Variants in RSAD2 observed in about 807,000 individuals in gnomAD.
RSAD2 encodes radical S-adenosyl methionine domain containing 2.
A neutral mutation model predicts 37.7 loss-of-function variants in RSAD2; 38 were observed. The ratio of observed to expected loss-of-function variants is 1.01; its 90% CI spans 0.78 to 1.32. The LOEUF (loss-of-function observed/expected upper bound fraction) is 1.32. Ranked by LOEUF, RSAD2 falls within the 40% of genes most tolerant of loss-of-function variation. The pLI is 0.00. For missense variants in RSAD2, 428 were observed against 437.5 expected (o/e 0.98, Z 0.19); for synonymous variants, 163 against 157.4 (o/e 1.04, Z -0.27).
rs1417137413 is a variant in RSAD2, at chr2:6,897,541, A to C, written c.*1599A>C. On this transcript the variant is annotated 3_prime_UTR_variant, in exon 6 of 6. Transcript: ENST00000382040. The stretch of plus-strand genomic sequence containing the variant: ...ATGTGTGTGTCTCATCCAGGATAGG[A>C]TAGGTTGTCTTCTATTTTCCATTTT... The C allele has an allele frequency of 1.3e-5, 2 of 152,178 alleles. No individual in the cohort carries two copies. Among genetic ancestry groups the C allele is most frequent in the Non-Finnish European group, 2.9e-5 (2 of 68,024 alleles). The allele number at this position is 152,178 out of a possible 1,614,324, so 9.4% of individuals were successfully genotyped here.
intron 1 of RSAD2, among the ~76,000 whole-genome samples, chr2:6,881,988 G>T (rs369034874): frequency 6.6e-6 from 1 of 152,342 alleles, no homozygotes; most frequent in African/African-American, 2.4e-5. Context: ...AGGCAGGCAG[G>T]TATGTAACAC....
chr2:6,893,337 G>A (rs981586867), intron 4 of RSAD2, among the ~76,000 whole-genome samples: 1 of 152,188 alleles, frequency 6.6e-6, no homozygotes, highest in Non-Finnish European at 1.5e-5. Flanking sequence ...ACAGTCATCA[G>A]AAATATCATG....
At chr2:6,879,083 C>T (rs1222627613) in intron 1 of RSAD2, 1 of 455,998 alleles carries the variant, frequency 2.2e-6, no homozygotes, top group Admixed American at 2.3e-5. Flanking sequence ...TTCATTTTGC[C>T]TGATCCTGTA....
Position 6,890,319 on chromosome 2 carries a change from CCAGAAGGTTGTATAAA to C in RSAD2, c.883_888+10del, listed in dbSNP as rs749181972. 2 of 1,613,872 alleles carry C rather than the reference CCAGAAGGTTGTATAAA, an allele frequency of 1.2e-6. No homozygotes were observed. Among genetic ancestry groups the C allele is most frequent in the Non-Finnish European group, 1.7e-6 (2 of 1,179,852 alleles). On this transcript the variant is annotated splice_donor_variant and splice_donor_5th_base_variant and coding_sequence_variant and intron_variant, in exon 4 of 6. Coordinates refer to ENST00000382040, the MANE Select transcript of RSAD2 (RefSeq NM_080657.5). LOFTEE classifies it high-confidence loss of function. ...TGTCCTGCTTGGTGCCTGAATCTAACCAGAAGGTTGTATAAAGCAAAAGTTGTTTTCTTTGTCATCA... is the reference window on the plus strand; with the variant it reads ...TGTCCTGCTTGGTGCCTGAATCTAACGCAAAAGTTGTTTTCTTTGTCATCA...
At chr2:6,895,534 C>T (rs907548310) in intron 5 of RSAD2, among the ~76,000 whole-genome samples, 1 of 152,216 alleles carries the variant, frequency 6.6e-6, no homozygotes, top group Non-Finnish European at 1.5e-5. Context: ...CCATGCGGGG[C>T]GCATATCATT....
At chr2:6,870,943 T>C (rs1449936402) in intron 1 of RSAD2, among the ~76,000 whole-genome samples, 1 of 152,176 alleles carries the variant, frequency 6.6e-6, no homozygotes. Context: ...ATTGGCTAAG[T>C]CTCTGGACAA....
At chr2:6,889,219 C>T (rs1558337443) in intron 3 of RSAD2, among the ~76,000 whole-genome samples, 1 of 152,166 alleles carries the variant, frequency 6.6e-6, no homozygotes, top group Middle Eastern at 3.2e-3. Flanking sequence ...CCTGCCAGGC[C>T]TCTCCTTACC....
Position 6,883,608 on chromosome 2 carries a change from T to C in RSAD2, c.508+76T>C, listed in dbSNP as rs1022243682. 4 of 1,544,778 alleles carry C rather than the reference T, an allele frequency of 2.6e-6. No individual in the cohort carries two copies. In the African/African-American group the frequency reaches 5.5e-5, roughly 21 times the overall value. On this transcript the variant is annotated intron_variant, in intron 2 of 5. Transcript: ENST00000382040. Reference sequence around the variant, plus strand: ...TTGGTTCTTATATTTCCTTCCCTCCTGGGCCTTCAGCCAGGCCTGCTGAGG... The same window carrying C: ...TTGGTTCTTATATTTCCTTCCCTCCCGGGCCTTCAGCCAGGCCTGCTGAGG...
Position 6,877,992 on chromosome 2 carries a change from G to A in RSAD2, c.192G>A (p.Glu64=), listed in dbSNP as rs773997489. Residue 64 remains glutamate (E), a synonymous_variant, in exon 1 of 6, where the codon GAG becomes GAA. Transcript: ENST00000382040. ...RGPDETKEEE[E]DPPLPTTPTS... ...CAGATGAGACCAAAGAGGAGGAAGA[G>A]GACCCTCCTCTGCCCACCACCCCAA... The A allele has an allele frequency of 1.9e-6, 3 of 1,614,116 alleles. No individual in the cohort carries two copies. Among genetic ancestry groups the A allele is most frequent in the Non-Finnish European group, 2.5e-6 (3 of 1,179,998 alleles).
At chr2:6,877,766 A>G, upstream of RSAD2, 1 of 1,521,872 alleles carries the variant, frequency 6.6e-7, no homozygotes, top group South Asian at 1.2e-5. Flanking sequence ...AGTCCCTGGC[A>G]TACAGAGACT....
In RSAD2 at chr2:6,887,057, T is replaced by A. The variant is rs144147229; in HGVS notation, c.631T>A (p.Cys211Ser). Residue 211 changes from cysteine to serine, a missense_variant, in exon 3 of 6, where the codon TGT becomes AGT. Cys to Ser is a moderately radical substitution (Grantham distance 112). Coordinates refer to ENST00000382040, the MANE Select transcript of RSAD2 (RefSeq NM_080657.5). ...AAACCTTCAAAAGCTGAGGAGGTGG[T>A]GTAGGGATTATAGAGTCGCTTTCAA... Reference protein sequence around the residue: ...VENLQKLRRWCRDYRVAFKIN... With the variant: ...VENLQKLRRWSRDYRVAFKIN... 7 of 1,614,030 alleles carry A rather than the reference T, an allele frequency of 4.3e-6. No individual in the cohort carries two copies. The Admixed American group carries it at 8.3e-5, about 19-fold the overall frequency.
Position 6,895,856 on chromosome 2 carries a change from A to C in RSAD2, c.1000A>C (p.Lys334Gln). The C allele has an allele frequency of 6.2e-7, 1 of 1,614,178 alleles. No homozygotes were observed. The highest frequency in any genetic ancestry group is 1.3e-5 in the African/African-American group (1 of 75,052). ...GGATGTTGGTGTAGAAGAAGCTATAAAATTCAGTGGATTTGATGAAAAGAT... is the reference window on the plus strand; with the variant it reads ...GGATGTTGGTGTAGAAGAAGCTATACAATTCAGTGGATTTGATGAAAAGAT... ...ILDVGVEEAI[K>Q]FSGFDEKMFL... Residue 334 changes from lysine to glutamine, a missense_variant, in exon 6 of 6, where the codon AAA (lysine) becomes CAA (glutamine). By Grantham distance (53) the Lys-to-Gln change is moderately conservative. Transcript: ENST00000382040.
At chr2:6,866,953 G>A (rs1341988993) in intron 1 of RSAD2, among the ~76,000 whole-genome samples, 1 of 152,086 alleles carries the variant, frequency 6.6e-6, no homozygotes, top group Non-Finnish European at 1.5e-5. Context: ...GAAGAAAGAA[G>A]AATTAGGAGT....
intron 3 of RSAD2, among the ~76,000 whole-genome samples, chr2:6,888,403 G>T (rs1403546209): frequency 1.3e-5 from 2 of 152,122 alleles, no homozygotes; most frequent in South Asian, 4.1e-4. Context: ...AAAGAGAGAG[G>T]TCTGATAGGA....
upstream of RSAD2, among the ~76,000 whole-genome samples, chr2:6,873,760 C>CT (rs949730553): frequency 2.6e-4 from 39 of 152,068 alleles, no homozygotes; most frequent in African/African-American, 9.4e-4. Context: ...TAAATTAAGC[C>CT]TTTTTGATCT....
At chr2:6,867,633 TC>T (rs1663127008) in intron 1 of RSAD2, among the ~76,000 whole-genome samples, 1 of 152,160 alleles carries the variant, frequency 6.6e-6, no homozygotes, top group African/African-American at 2.4e-5. Context: ...ATTTGTATCC[TC>T]GGACCTTGAC....
chr2:6,873,749 C>G (rs1663238307), upstream of RSAD2, among the ~76,000 whole-genome samples: 1 of 152,104 alleles, frequency 6.6e-6, no homozygotes, highest in Non-Finnish European at 1.5e-5. Flanking sequence ...TATCAAAACC[C>G]TAAATTAAGC....
intron 5 of RSAD2, among the ~76,000 whole-genome samples, chr2:6,894,072 G>C (rs1365704303): frequency 6.6e-6 from 1 of 152,190 alleles, no homozygotes; most frequent in African/African-American, 2.4e-5. Flanking sequence ...AGGGCATCCA[G>C]CCTACTTTGA....
intron 4 of RSAD2, among the ~76,000 whole-genome samples, chr2:6,890,942 G>GA (rs558539840): frequency 4.2e-4 from 63 of 151,004 alleles, no homozygotes; most frequent in Middle Eastern, 3.4e-3. Context: ...GAAGCTACAG[G>GA]AAAAAAAATC....
Sources: gnomAD v4.1 joint callset for allele counts (sites outside exome capture counted in the v4.1 genomes callset) on GRCh38, gnomAD v4.1.1 for gene constraint, MANE v1.5 for transcripts, NCBI Gene and HGNC (gene_info 2026-07-23, HGNC 2026-07-21) for gene names.